TRIM64C: variants seen among roughly 807,000 people sequenced by gnomAD.
TRIM64C encodes the protein tripartite motif-containing protein 64C.
TRIM64C carries 25 observed loss-of-function variants against 36.1 expected under a neutral mutation model. That is an observed-to-expected ratio of 0.69 (90% CI 0.51 to 0.97). TRIM64C has a LOEUF of 0.97. Among genes scored for constraint, TRIM64C ranks in the 50% least tolerant of loss-of-function variants. The pLI, the probability that TRIM64C is intolerant of heterozygous loss-of-function variation, is 0.00. For missense variants in TRIM64C, 489 were observed against 536.8 expected, an observed-to-expected ratio of 0.91 and a Z score of 0.88; for synonymous variants, 212 against 185.7, an observed-to-expected ratio of 1.14 and a Z score of -1.15.
chr11:49,057,213 C>T lies in TRIM64C; in HGVS notation c.673G>A (p.Gly225Arg). The T allele has an allele frequency of 6.5e-7, 1 of 1,549,676 alleles. No homozygotes were observed. The highest frequency in any genetic ancestry group is 8.7e-7 in the Non-Finnish European group (1 of 1,146,956). The change falls in exon 3 of 6, where the codon GGG becomes AGG. Residue 225 changes from glycine to arginine, a missense_variant. Physicochemically the swap from Gly to Arg is moderately radical, Grantham distance 125. Transcript: ENST00000617704. ...SQVRMTQHLE[G>R]MKDMYRELWE... ...AGCTCTCTGTACATGTCTTTCATCC[C>T]TTCTAAATGTTGGGTCATTCTCACT... is the stretch of plus-strand genomic sequence containing the variant.
At chr11:49,056,337 A>AT (rs36015501) in intron 4 of TRIM64C, 22 bp downstream of exon 4, 44 of 1,527,784 alleles carry the variant, frequency 2.9e-5, no homozygotes, top group African/African-American at 1.7e-4. Context: ...CAGAAATAGC[A>AT]TTTTTTTTAG....
Position 49,058,828 on chromosome 11 carries a change from A to G in TRIM64C, c.285T>C (p.His95=). Residue 95 remains histidine (H), a synonymous_variant, in exon 1 of 6, where the codon CAT becomes CAC. Coordinates refer to ENST00000617704, the MANE Select transcript of TRIM64C (RefSeq NM_001206631.1). Reference sequence around the variant, plus strand: ...CACAGAAGAGCTCCTTAGTCTCCTCATGGAGCACACAGATATTGTCTGAGC... The same window carrying G: ...CACAGAAGAGCTCCTTAGTCTCCTCGTGGAGCACACAGATATTGTCTGAGC... ...INSSDNICVL[H]EETKELFCEA... is the part of the protein sequence containing the mutation. The G allele has an allele frequency of 6.5e-7, 1 of 1,549,328 alleles. No homozygotes were observed. The highest frequency in any genetic ancestry group is 8.7e-7 in the Non-Finnish European group (1 of 1,146,854).
intron 1 of TRIM64C, 142 bp downstream of exon 1, chr11:49,058,559 T>C (rs1311344840): frequency 6.9e-7 from 1 of 1,451,492 alleles, no homozygotes; most frequent in Non-Finnish European, 9.1e-7. Flanking sequence ...TCAGCAACAT[T>C]GAAAGGACAC....
chr11:49,055,757 C>G (rs747343325), intron 4 of TRIM64C, among the ~76,000 whole-genome samples: 12 of 152,148 alleles, frequency 7.9e-5, no homozygotes, highest in Non-Finnish European at 1.6e-4. Context: ...TTTGGGACCT[C>G]AGGCTGCAGT....
chr11:49,058,722 C>A lies in TRIM64C; in HGVS notation c.391G>T (p.Ala131Ser). The change falls in exon 1 of 6, where the codon GCT becomes TCT. Residue 131 changes from alanine (A) to serine (S), a missense_variant. Ala to Ser is a moderately conservative substitution (Grantham distance 99). Transcript: ENST00000617704. Reference protein sequence around the residue: ...MAHSHSPIGWAAEECRVQKLI... With the variant: ...MAHSHSPIGWSAEECRVQKLI... Reference sequence around the variant, plus strand: ...TCACGTACCCTGCATTCCTCAGCAGCCCATCCTATTGGGCTGTGGCTGTGA... The same window carrying A: ...TCACGTACCCTGCATTCCTCAGCAGACCATCCTATTGGGCTGTGGCTGTGA... 1 of 1,546,818 alleles carries A rather than the reference C, an allele frequency of 6.5e-7. No individual in the cohort carries two copies. Among genetic ancestry groups the A allele is most frequent in the Non-Finnish European group, 8.7e-7 (1 of 1,146,490 alleles).
chr11:49,058,261 C>T, intron 1 of TRIM64C, 89 bp from the exon 2 acceptor site: 1 of 951,582 alleles, frequency 1.1e-6, no homozygotes, highest in Non-Finnish European at 1.5e-6. Context: ...TTGAAAGAAA[C>T]ATAAATTAAG....
At chr11:49,057,827 GA>G (rs1349206285) in intron 2 of TRIM64C, 3 of 514,548 alleles carry the variant, frequency 5.8e-6, no homozygotes, top group Non-Finnish European at 7.1e-6. Context: ...TGCAGTGTCT[GA>G]AAAGGTTTAT....
In TRIM64C at chr11:49,054,178, G is replaced by A. The variant is rs761548469; in HGVS notation, c.889C>T (p.Pro297Ser). 19 of 1,551,408 alleles carry A rather than the reference G, an allele frequency of 1.2e-5. No individual in the cohort carries two copies. Among genetic ancestry groups the A allele is most frequent in the African/African-American group, 1.4e-5 (1 of 73,038 alleles). ...VDNALSTEMT[P>S]CYISLSEDVR... ...TCCTCAGAAAGGCTTATATAGCAAGGAGTCATTTCTGTACTCAGAGCATTA... is the reference window on the plus strand; with the variant it reads ...TCCTCAGAAAGGCTTATATAGCAAGAAGTCATTTCTGTACTCAGAGCATTA... The change falls in exon 6 of 6, where the codon CCT (proline) becomes TCT (serine). Residue 297 changes from proline (P) to serine (S), a missense_variant. Transcript: ENST00000617704.
At chr11:49,057,751 A>T (rs1421134889) in intron 2 of TRIM64C, 1 of 482,580 alleles carries the variant, frequency 2.1e-6, no homozygotes, top group Admixed American at 2.7e-5. Context: ...CTATATTTTT[A>T]CTCTATATAC....
At chr11:49,055,008 T>C (rs2773241) in intron 5 of TRIM64C, among the ~76,000 whole-genome samples, 122,788 of 152,204 alleles carry the variant, frequency 0.81, 49,847 homozygotes, top group African/African-American at 0.83. Context: ...TGAATAAACA[T>C]GAAATACTGA....
At chr11:49,058,669 C>A (rs1420868778) in intron 1 of TRIM64C, 32 bp downstream of exon 1, 10 of 1,538,748 alleles carry the variant, frequency 6.5e-6, no homozygotes, top group Non-Finnish European at 8.7e-6. Flanking sequence ...ATTTGATATT[C>A]TGTATAATTC....
At chr11:49,055,959 T>G (rs1455043367) in intron 4 of TRIM64C, among the ~76,000 whole-genome samples, 1 of 152,044 alleles carries the variant, frequency 6.6e-6, no homozygotes, top group East Asian at 1.9e-4. Context: ...TCATTGATGC[T>G]TTTAGGAACA....
At chr11:49,054,404 A>G (rs1351966024) in intron 5 of TRIM64C, among the ~76,000 whole-genome samples, 197 bp from the exon 6 acceptor site, 1 of 152,234 alleles carries the variant, frequency 6.6e-6, no homozygotes, top group East Asian at 1.9e-4. Context: ...TTTCTTAAAT[A>G]ATAGAGAAAA....
At chr11:49,056,535 C>A (rs1367926040) in intron 3 of TRIM64C, among the ~76,000 whole-genome samples, 154 bp from the exon 4 acceptor site, 2 of 151,832 alleles carry the variant, frequency 1.3e-5, no homozygotes, top group African/African-American at 4.9e-5. Flanking sequence ...AATAACAGAA[C>A]CTCAACTAAA....
intron 2 of TRIM64C, 109 bp from the exon 3 acceptor site, chr11:49,057,487 T>G (rs1854827242): frequency 8.8e-7 from 1 of 1,134,870 alleles, no homozygotes; most frequent in African/African-American, 1.6e-5. Flanking sequence ...TCTGCTTCAC[T>G]CTTGCAAAGA....
chr11:49,057,875 C>CA (rs1854832338), intron 2 of TRIM64C: 1 of 527,198 alleles, frequency 1.9e-6, no homozygotes, highest in Non-Finnish European at 3.4e-6. Context: ...ACACATCATG[C>CA]CGTTTATCCA....
At chr11:49,058,592 G>A in intron 1 of TRIM64C, 109 bp downstream of exon 1, 1 of 1,499,028 alleles carries the variant, frequency 6.7e-7, no homozygotes, top group Non-Finnish European at 8.9e-7. Flanking sequence ...TGATTGACAT[G>A]GAATAATCGC....
At chr11:49,058,357 G>C (rs1854838606) in intron 1 of TRIM64C, among the ~76,000 whole-genome samples, 185 bp from the exon 2 acceptor site, 2 of 151,850 alleles carry the variant, frequency 1.3e-5, no homozygotes, top group African/African-American at 4.9e-5. Flanking sequence ...ACATAATAGA[G>C]AGTTTTAAGG....
Position 49,054,041 on chromosome 11 carries a change from G to A in TRIM64C, c.1026C>T (p.Tyr342=). Residue 342 remains tyrosine, a synonymous_variant, in exon 6 of 6, where the codon TAC becomes TAT. Transcript: ENST00000617704. Reference sequence around the variant, plus strand: ...AGGAGTGGGTCACATCCACTTCCCAGTAATGCTTGCCGGAGGTGAATGCTT... The same window carrying A: ...AGGAGTGGGTCACATCCACTTCCCAATAATGCTTGCCGGAGGTGAATGCTT... ...CAQAFTSGKH[Y]WEVDVTHSSN... is the part of the protein sequence containing the mutation. 1 of 1,551,592 alleles carries A rather than the reference G, an allele frequency of 6.4e-7. No homozygotes were observed. The highest frequency in any genetic ancestry group is 8.7e-7 in the Non-Finnish European group (1 of 1,146,850).
Sources: allele counts gnomAD v4.1 joint callset (sites outside exome capture counted in the v4.1 genomes callset), GRCh38; gene constraint gnomAD v4.1.1; transcripts MANE v1.5; gene names NCBI Gene and HGNC (gene_info 2026-07-23, HGNC 2026-07-21).